Variants in HECTD4 observed in about 807,000 individuals in gnomAD.
HECTD4 encodes HECT domain E3 ubiquitin protein ligase 4, also known as probable E3 ubiquitin-protein ligase HECTD4.
A neutral mutation model predicts 471.5 loss-of-function variants in HECTD4; 114 were observed. The ratio of observed to expected loss-of-function variants is 0.24; its 90% confidence interval spans 0.21 to 0.28. The LOEUF is 0.28. Among genes scored for constraint, HECTD4 ranks in the 10% least tolerant of loss-of-function variants. The pLI, the probability that HECTD4 is intolerant of heterozygous loss-of-function variation, is 1.00. For missense variants in HECTD4, 3,866 were observed against 5,651.5 expected, an observed-to-expected ratio of 0.68 and a Z score of 10.13; for synonymous variants, 2,012 against 2,256.0, an observed-to-expected ratio of 0.89 and a Z score of 3.07.
intron 2 of HECTD4, among the ~76,000 whole-genome samples, chr12:112,315,258 G>A (rs370428179): frequency 1.3e-5 from 2 of 152,132 alleles, no homozygotes; most frequent in East Asian, 1.9e-4. Flanking sequence ...CTAAATGATC[G>A]CCTGTATCTG....
At chr12:112,279,078 T>C (rs1020065958) in intron 9 of HECTD4, 150 bp downstream of exon 9, 7 of 644,616 alleles carry the variant, frequency 1.1e-5, no homozygotes, top group African/African-American at 9.3e-5. Flanking sequence ...TAAATCTTCC[T>C]AGCCTATTTG....
chr12:112,192,101 A>C (rs2032097642), intron 59 of HECTD4, among the ~76,000 whole-genome samples: 1 of 152,248 alleles, frequency 6.6e-6, no homozygotes, highest in Non-Finnish European at 1.5e-5. Context: ...AGGCTTCAAA[A>C]AAATGCCCAG....
At position 112,162,783 on chromosome 12, in the gene HECTD4, T is replaced by A. The variant is rs1003507017; in HGVS notation, c.13120+259A>T. On this transcript the variant is annotated intron_variant, in intron 75 of 75. Coordinates refer to ENST00000682272, the MANE Select transcript of HECTD4 (RefSeq NM_001388303.1). This position sits in a 1 kb window ranked among gnomAD's most constrained non-coding sequence, Gnocchi z 5.2. ...CAAATTGTTTCTTTTTTTTTTTTTT[T>A]AACCATTTTTCTGCATTTAAAAGTT... is the stretch of plus-strand genomic sequence containing the variant. 3 of 551,006 alleles carry A rather than the reference T, an allele frequency of 5.4e-6. No homozygotes were observed. The highest frequency in any genetic ancestry group is 3.0e-5 in the East Asian group (1 of 33,458). 34.1% of individuals were successfully genotyped at this position (551,006 alleles called of 1,614,324 possible). A position where few individuals can be genotyped will look rare whatever the true frequency, so the allele number is the denominator to read the frequency against.
intron 7 of HECTD4, chr12:112,301,946 A>C (rs1264384476): frequency 1.2e-5 from 11 of 887,596 alleles, no homozygotes; most frequent in Non-Finnish European, 1.9e-5. Flanking sequence ...CTTGGGACCC[A>C]AGATATTGCC....
chr12:112,313,481 A>ATTTTTTTTTTTTTT (rs34438364), intron 3 of HECTD4, among the ~76,000 whole-genome samples: 1 of 58,918 alleles, frequency 1.7e-5, no homozygotes, highest in African/African-American at 7.4e-5. Context: ...TGCCCGGCTA[A>ATTTTTTTTTTTTTT]TTTTTTTTTT....
chr12:112,291,131 T>A (rs1006179205), intron 7 of HECTD4, among the ~76,000 whole-genome samples: 2 of 152,114 alleles, frequency 1.3e-5, no homozygotes, highest in East Asian at 3.9e-4. Context: ...TTCTTAATAC[T>A]AAAATATACA....
intron 55 of HECTD4, among the ~76,000 whole-genome samples, chr12:112,199,909 C>G (rs948524086): frequency 6.6e-6 from 1 of 152,336 alleles, no homozygotes; most frequent in Admixed American, 6.5e-5. Context: ...TTAGCTATCA[C>G]GATTTCTTGT....
chr12:112,166,600 G>C lies in HECTD4; in HGVS notation c.12534+717C>G, dbSNP rs2030971863. The C allele has an allele frequency of 6.6e-6, 1 of 152,438 alleles. No individual in the cohort carries two copies. The highest frequency in any genetic ancestry group is 1.5e-5 in the Non-Finnish European group (1 of 68,214). 9.4% of individuals were successfully genotyped at this position (152,438 alleles called of 1,614,324 possible). On this transcript the variant is annotated intron_variant, in intron 72 of 75. Coordinates refer to ENST00000682272, the MANE Select transcript of HECTD4 (RefSeq NM_001388303.1). This position sits in a 1 kb window ranked among gnomAD's most constrained non-coding sequence, Gnocchi z 4.6. ...GCAGCCCTGGGCTCCTGGTGGCTCTGCTCCCTGCCAGCTGTGAGGGCCCAG... is the reference window on the plus strand; with the variant it reads ...GCAGCCCTGGGCTCCTGGTGGCTCTCCTCCCTGCCAGCTGTGAGGGCCCAG...
intron 7 of HECTD4, among the ~76,000 whole-genome samples, chr12:112,293,016 C>T (rs183167970): frequency 6.2e-5 from 9 of 145,628 alleles, no homozygotes; most frequent in Non-Finnish European, 1.5e-5. Context: ...TGAGAGACTC[C>T]ATGTAAAAAA....
At chr12:112,241,824 G>A (rs1036589483) in intron 32 of HECTD4, among the ~76,000 whole-genome samples, 3 of 152,104 alleles carry the variant, frequency 2.0e-5, no homozygotes, top group African/African-American at 4.8e-5. Context: ...GACCTCTCCT[G>A]TACTCCCAGC....
rs1220037653 is a variant in HECTD4, at chr12:112,179,142, C to A, written c.11211+32G>T. The stretch of plus-strand genomic sequence containing the variant: ...GTTCGCCCTGCAGGGCACCCAAGGC[C>A]CGGCCTGGGTATGGTGGGGACGGGC... On this transcript the variant is annotated intron_variant, in intron 63 of 75. Coordinates refer to ENST00000682272, the MANE Select transcript of HECTD4 (RefSeq NM_001388303.1). This position sits in a 1 kb window ranked among gnomAD's most constrained non-coding sequence, Gnocchi z 4.3. 7 of 1,613,328 alleles carry A rather than the reference C, an allele frequency of 4.3e-6. No homozygotes were observed. Among genetic ancestry groups the A allele is most frequent in the Non-Finnish European group, 5.9e-6 (7 of 1,179,712 alleles).
intron 34 of HECTD4, 62 bp from the exon 35 acceptor site, chr12:112,237,160 T>C (rs1646663522): frequency 3.4e-6 from 5 of 1,456,504 alleles, no homozygotes; most frequent in Non-Finnish European, 4.6e-6. Context: ...ATGGTGAGCC[T>C]GAGGGGGCGG....
chr12:112,378,915 G>T (rs1358406163), intron 1 of HECTD4, among the ~76,000 whole-genome samples: 2 of 152,142 alleles, frequency 1.3e-5, no homozygotes, highest in Non-Finnish European at 2.9e-5. Flanking sequence ...GGCGGCATGC[G>T]CCTGTAGTCC....
chr12:112,162,788 ATT>A lies in HECTD4; in HGVS notation c.13120+252_13120+253del. 1.9e-6 allele frequency: 1 copy of A among 531,266 alleles called. No homozygotes were observed. The highest frequency in any genetic ancestry group is 3.3e-6 in the Non-Finnish European group (1 of 305,604). 32.9% of individuals were successfully genotyped at this position (531,266 alleles called of 1,614,324 possible). ...TGTTTCTTTTTTTTTTTTTTTAACC[ATT>A]TTTCTGCATTTAAAAGTTAGAAGAT... On this transcript the variant is annotated intron_variant, in intron 75 of 75. Coordinates refer to ENST00000682272, the MANE Select transcript of HECTD4 (RefSeq NM_001388303.1). The surrounding 1 kb of genome is among the most constrained non-coding windows in gnomAD (Gnocchi z 5.2).
At chr12:112,197,432 C>G (rs553062774) in intron 55 of HECTD4, among the ~76,000 whole-genome samples, 1 of 152,364 alleles carries the variant, frequency 6.6e-6, no homozygotes, top group South Asian at 2.1e-4. Context: ...ATGCTCTTAC[C>G]TCAGCCTCCC....
chr12:112,258,664 A>G lies in HECTD4; in HGVS notation c.3028-68T>C. On this transcript the variant is annotated intron_variant, in intron 19 of 75. Transcript: ENST00000682272. ...AGTTATCTGAATGGTATGACAGCCA[A>G]ACTTAGAGGTCTCTCTTAAATCATC... 4.9e-6 allele frequency: 6 copies of G among 1,218,474 alleles called. No homozygotes were observed. The South Asian group carries it at 8.7e-5, about 18-fold the overall frequency. The allele number at this position is 1,218,474 out of a possible 1,614,324, so 75.5% of individuals were successfully genotyped here. A position where few individuals can be genotyped will look rare whatever the true frequency, so the allele number is the denominator to read the frequency against.
rs11066194 is a variant in HECTD4, at chr12:112,212,323, A to G, written c.7629+164T>C. 0.055 allele frequency among the ~76,000 whole-genome samples: 8,436 copies of G among 152,284 alleles called. 1,287 individuals are homozygous for G. The East Asian group carries it at 0.61, about 11-fold the overall frequency. Reference sequence around the variant, plus strand: ...CAAGCTAAGACTGTGGGGTCAACACAAAGGAAGACACACACTTGCTCAAGC... The same window carrying G: ...CAAGCTAAGACTGTGGGGTCAACACGAAGGAAGACACACACTTGCTCAAGC... On this transcript the variant is annotated intron_variant, in intron 49 of 75. Transcript: ENST00000682272.
chr12:112,377,280 A>T (rs749627740), intron 1 of HECTD4, among the ~76,000 whole-genome samples: 17 of 151,998 alleles, frequency 1.1e-4, no homozygotes, highest in Admixed American at 2.0e-4. Flanking sequence ...AATAAAAAAA[A>T]AAAATAAAAC....
intron 23 of HECTD4, 58 bp downstream of exon 23, chr12:112,252,366 A>C: frequency 6.7e-7 from 1 of 1,499,096 alleles, no homozygotes; most frequent in Admixed American, 2.3e-5. Context: ...TGCTGTATGT[A>C]ATCAAGGCAC....
Sources: allele counts gnomAD v4.1 joint callset (sites outside exome capture counted in the v4.1 genomes callset), GRCh38; gene constraint gnomAD v4.1.1; non-coding constraint Gnocchi (gnomAD v3.1); transcripts MANE v1.5; gene names NCBI Gene and HGNC (gene_info 2026-07-23, HGNC 2026-07-21).